Variants in NTM observed in about 807,000 individuals in gnomAD.
NTM encodes the protein IgLON family member 2.
A neutral mutation model predicts 42.1 loss-of-function variants in NTM; 13 were observed. The ratio of observed to expected loss-of-function variants is 0.31; its 90% CI spans 0.20 to 0.49. The LOEUF is 0.49. NTM is among the 20% of genes least tolerant of loss of function. The pLI is 0.99. For missense variants in NTM, 373 were observed against 452.8 expected, an observed-to-expected ratio of 0.82 and a Z score of 1.60; for synonymous variants, 187 against 179.2, an observed-to-expected ratio of 1.04 and a Z score of -0.35.
chr11:131,424,600 CTTTTTTTT>C (rs769740331), intron 1 of NTM, among the ~76,000 whole-genome samples: 1 of 56,052 alleles, frequency 1.8e-5, no homozygotes, highest in Admixed American at 2.5e-4. Context: ...CTTTTCTTTT[CTTTTTTTT>C]TTTTTTTTTT....
rs201576916 is a variant in NTM, at chr11:132,213,846, C to T, written c.526+1699C>T. 1.4e-4 allele frequency among the ~76,000 whole-genome samples: 16 copies of T among 115,130 alleles called. 4 individuals carry two copies. Among genetic ancestry groups the T allele is most frequent in the East Asian group, 1.2e-3 (6 of 4,910 alleles). The allele number at this position is 115,130 out of a possible 152,430, so 75.5% of individuals were successfully genotyped here. On this transcript the variant is annotated intron_variant, in intron 4 of 8. Transcript: ENST00000683400. ...GCCTCCCGGGTTCACGCCATTCTCC[C>T]GCCTCAGCCTCCCAAGTAGCTGGGA...
At chr11:132,147,719 C>T (rs2070854694) in intron 3 of NTM, among the ~76,000 whole-genome samples, 1 of 152,062 alleles carries the variant, frequency 6.6e-6, no homozygotes, top group African/African-American at 2.4e-5. Flanking sequence ...CCCTTTCAAC[C>T]AGGGACGTGT....
At chr11:131,376,013 C>T (rs1302501028) in intron 1 of NTM, among the ~76,000 whole-genome samples, 1 of 152,036 alleles carries the variant, frequency 6.6e-6, no homozygotes, top group Admixed American at 6.6e-5. Context: ...TTTCATTTTT[C>T]CTTCTCCTCT....
intron 1 of NTM, among the ~76,000 whole-genome samples, chr11:131,506,706 A>G (rs1042346829): frequency 5.9e-5 from 9 of 152,152 alleles, no homozygotes; most frequent in Non-Finnish European, 8.8e-5. Flanking sequence ...GTTTGATGGG[A>G]AGGAGGCAGT....
intron 1 of NTM, among the ~76,000 whole-genome samples, chr11:131,840,556 A>T (rs1218847977): frequency 2.6e-5 from 4 of 152,224 alleles, no homozygotes; most frequent in African/African-American, 9.6e-5. Context: ...ATCTGAAGAG[A>T]TGGATAGGAC....
chr11:132,141,633 G>C (rs1230637262), intron 2 of NTM, among the ~76,000 whole-genome samples: 1 of 152,092 alleles, frequency 6.6e-6, no homozygotes, highest in Admixed American at 6.6e-5. Flanking sequence ...ATTGACACAG[G>C]TGGGGCACCC....
At chr11:131,817,460 C>G (rs1042421172) in intron 1 of NTM, among the ~76,000 whole-genome samples, 5 of 152,228 alleles carry the variant, frequency 3.3e-5, no homozygotes, top group Middle Eastern at 3.4e-3. Context: ...TTCTTTCCAT[C>G]TTTTGCTTCA....
At chr11:132,180,352 C>T (rs1014456669) in intron 3 of NTM, among the ~76,000 whole-genome samples, 1 of 151,910 alleles carries the variant, frequency 6.6e-6, no homozygotes, top group African/African-American at 2.4e-5. Flanking sequence ...AGCTACTAAA[C>T]AGTGATGGAT....
rs192301809 is a variant in NTM, at chr11:132,319,829, G to A, written c.934+5126G>A. Among the ~76,000 whole-genome samples, 439 of 152,312 alleles carry A rather than the reference G, an allele frequency of 2.9e-3. 1 individual carries two copies. Among genetic ancestry groups the A allele is most frequent in the African/African-American group, 0.01 (422 of 41,576 alleles). ...ACAGGCAGACTGCCTCCTCCAGTGG[G>A]TCCCTGACCCCCGAGTAGCCTAACG... is the stretch of plus-strand genomic sequence containing the variant. On this transcript the variant is annotated intron_variant, in intron 7 of 8. Coordinates refer to ENST00000683400, the MANE Select transcript of NTM (RefSeq NM_001352005.2).
chr11:132,004,605 T>TCTC (rs1331959288), intron 2 of NTM, among the ~76,000 whole-genome samples: 9 of 144,050 alleles, frequency 6.2e-5, no homozygotes, highest in Non-Finnish European at 1.1e-4. Context: ...CTTTCTCTCT[T>TCTC]TCTCTCTCTC....
At chr11:131,928,409 G>A (rs1016385937) in intron 2 of NTM, among the ~76,000 whole-genome samples, 1 of 152,164 alleles carries the variant, frequency 6.6e-6, no homozygotes, top group Non-Finnish European at 1.5e-5. Context: ...GGCATGTATA[G>A]AGGATGCTGG....
intron 1 of NTM, among the ~76,000 whole-genome samples, chr11:131,834,640 A>ATATATATATG (rs989106712): frequency 6.8e-6 from 1 of 147,016 alleles, no homozygotes; most frequent in Non-Finnish European, 1.5e-5. Flanking sequence ...ATATATATAT[A>ATATATATATG]TATATGTATA....
intron 3 of NTM, among the ~76,000 whole-genome samples, chr11:132,157,786 C>A (rs2073510447): frequency 6.6e-6 from 1 of 152,176 alleles, no homozygotes; most frequent in Non-Finnish European, 1.5e-5. Context: ...TAAACCTGCT[C>A]CTCCTGGAGT....
At chr11:131,620,012 C>T (rs1336166291) in intron 1 of NTM, among the ~76,000 whole-genome samples, 1 of 151,996 alleles carries the variant, frequency 6.6e-6, no homozygotes, top group Non-Finnish European at 1.5e-5. Context: ...ACCATGTTGG[C>T]CAGGATGGTC....
intron 1 of NTM, among the ~76,000 whole-genome samples, chr11:131,686,093 G>T (rs1396080184): frequency 1.3e-5 from 2 of 152,192 alleles, no homozygotes; most frequent in Non-Finnish European, 2.9e-5. Flanking sequence ...CCACCAGAGA[G>T]CTACAGGCCA....
rs1416595315 is a variant in NTM, at chr11:131,959,997, A to C, written c.167+48349A>C. Among the ~76,000 whole-genome samples the C allele has an allele frequency of 9.2e-5, 14 of 152,330 alleles. No homozygotes were observed. In the East Asian group the frequency reaches 2.7e-3, roughly 29 times the overall value. ...TTGCACAGACCTGAGTAGGCTTGCAAAGAGGCAGTGGAGGGTAGTTGTGTT... is the reference window on the plus strand; with the variant it reads ...TTGCACAGACCTGAGTAGGCTTGCACAGAGGCAGTGGAGGGTAGTTGTGTT... On this transcript the variant is annotated intron_variant, in intron 2 of 8. Coordinates refer to ENST00000683400, the MANE Select transcript of NTM (RefSeq NM_001352005.2).
chr11:131,767,115 G>T (rs757858473), intron 1 of NTM: 2 of 981,206 alleles, frequency 2.0e-6, no homozygotes, highest in Non-Finnish European at 2.4e-6. Flanking sequence ...CAGTAAGTAA[G>T]TCTCATGTAA....
At chr11:131,782,505 A>G (rs1452413419) in intron 1 of NTM, among the ~76,000 whole-genome samples, 5 of 152,116 alleles carry the variant, frequency 3.3e-5, no homozygotes, top group Non-Finnish European at 1.5e-5. Context: ...TTATTTTATG[A>G]GGCCATTATT....
chr11:131,570,293 T>C (rs2057327806), intron 1 of NTM, among the ~76,000 whole-genome samples: 1 of 152,218 alleles, frequency 6.6e-6, no homozygotes, highest in African/African-American at 2.4e-5. Context: ...GATTTCACTT[T>C]GTAAAGCTCT....
Sources: gnomAD v4.1 joint callset for allele counts (sites outside exome capture counted in the v4.1 genomes callset) on GRCh38, gnomAD v4.1.1 for gene constraint, MANE v1.5 for transcripts, NCBI Gene and HGNC (gene_info 2026-07-23, HGNC 2026-07-21) for gene names.